Variants in ZNF716 observed in about 807,000 individuals in gnomAD.
ZNF716 encodes the protein zinc finger protein 716.
Under a neutral mutation model 13.4 loss-of-function variants are expected in ZNF716, and 9 were observed. The ratio of observed to expected loss-of-function variants is 0.67; its 90% CI spans 0.41 to 1.18. The LOEUF (loss-of-function observed/expected upper bound fraction) is 1.18. ZNF716 is among the 50% of genes most tolerant of loss of function. The pLI is 0.01. For missense variants in ZNF716, 581 were observed against 576.6 expected, an observed-to-expected ratio of 1.01 and a Z score of -0.08; for synonymous variants, 186 against 195.2, an observed-to-expected ratio of 0.95 and a Z score of 0.39.
chr7:57,455,643 A>G (rs1554322119), intron 1 of ZNF716, among the ~76,000 whole-genome samples: 3 of 151,982 alleles, frequency 2.0e-5, no homozygotes, highest in African/African-American at 7.2e-5. Flanking sequence ...CAGCCTCCCA[A>G]ATAGCTGGGA....
chr7:57,455,514 T>TTTTATTTATTTA (rs575680506), intron 1 of ZNF716, among the ~76,000 whole-genome samples: 2,408 of 151,896 alleles, frequency 0.016, 84 homozygotes, highest in African/African-American at 0.055. Flanking sequence ...GGATGGAGAA[T>TTTTATTTATTTA]TTTATTTATT....
intron 3 of ZNF716, among the ~76,000 whole-genome samples, chr7:57,468,215 A>G (rs1264651525): frequency 6.6e-6 from 1 of 152,152 alleles, no homozygotes; most frequent in African/African-American, 2.4e-5. Context: ...TTTTCTGTCC[A>G]TGGTACAGCA....
chr7:57,467,369 A>G (rs1425100485), intron 3 of ZNF716, among the ~76,000 whole-genome samples: 1 of 152,108 alleles, frequency 6.6e-6, no homozygotes, highest in Non-Finnish European at 1.5e-5. Flanking sequence ...TTTAAGTGGA[A>G]GGACCTCTTT....
chr7:57,463,697 G>T (rs1789749767), intron 3 of ZNF716, among the ~76,000 whole-genome samples: 1 of 151,720 alleles, frequency 6.6e-6, no homozygotes, highest in Non-Finnish European at 1.5e-5. Flanking sequence ...TTTATTTAGA[G>T]GCTGGGTTAT....
rs781804665 is a variant in ZNF716, at chr7:57,470,417, G to A, written c.*468G>A. 2 of 157,462 alleles carry A rather than the reference G, an allele frequency of 1.3e-5. No individual in the cohort carries two copies. Among genetic ancestry groups the A allele is most frequent in the African/African-American group, 2.4e-5 (1 of 41,418 alleles). 9.8% of individuals were successfully genotyped at this position (157,462 alleles called of 1,614,324 possible). A position where few individuals can be genotyped will look rare whatever the true frequency, so the allele number is the denominator to read the frequency against. ...GACTTCAGGTGAACCACCTGCCTCAGCCTCCCAAAGCCTAAGAGAATTTAT... is the reference window on the plus strand; with the variant it reads ...GACTTCAGGTGAACCACCTGCCTCAACCTCCCAAAGCCTAAGAGAATTTAT... On this transcript the variant is annotated 3_prime_UTR_variant, in exon 4 of 4. Coordinates refer to ENST00000420713, the MANE Select transcript of ZNF716 (RefSeq NM_001159279.1).
At chr7:57,466,795 G>A (rs10242418) in intron 3 of ZNF716, among the ~76,000 whole-genome samples, 58,211 of 151,434 alleles carry the variant, frequency 0.38, 11,342 homozygotes, top group East Asian at 0.51. Context: ...GAATTTTTTT[G>A]TTGAAAATGA....
At chr7:57,461,345 C>T (rs1789705773) in intron 1 of ZNF716, among the ~76,000 whole-genome samples, 1 of 152,136 alleles carries the variant, frequency 6.6e-6, no homozygotes, top group Non-Finnish European at 1.5e-5. Context: ...ATGTTGCGTC[C>T]TGTGTGCATC....
In ZNF716 at chr7:57,469,500, A is replaced by G. The variant is rs1554324818; in HGVS notation, c.1039A>G (p.Thr347Ala). The G allele has an allele frequency of 1.2e-6, 2 of 1,612,254 alleles. No individual in the cohort carries two copies. Among genetic ancestry groups the G allele is most frequent in the African/African-American group, 2.7e-5 (2 of 74,946 alleles). ...CCTTAAGAAACATAAGATAGTTCAT[A>G]CTGGGGAGAAACTCTACACATGTGA... ...STLKKHKIVHTGEKLYTCEEC... is the reference protein window; with the variant it reads ...STLKKHKIVHAGEKLYTCEEC... Residue 347 changes from threonine to alanine, a missense_variant, in exon 4 of 4, where the codon ACT becomes GCT. By Grantham distance (58) the Thr-to-Ala change is moderately conservative. Transcript: ENST00000420713.
At position 57,471,594 on chromosome 7, in the gene ZNF716, A is replaced by T. The variant is rs1789938649; in HGVS notation, c.*1645A>T. The T allele has an allele frequency of 6.6e-6, 1 of 152,192 alleles. No individual in the cohort carries two copies. Among genetic ancestry groups the T allele is most frequent in the Admixed American group, 6.5e-5 (1 of 15,282 alleles). The allele number at this position is 152,192 out of a possible 1,614,324, so 9.4% of individuals were successfully genotyped here. On this transcript the variant is annotated 3_prime_UTR_variant, in exon 4 of 4. Transcript: ENST00000420713. The stretch of plus-strand genomic sequence containing the variant: ...CATTTTATATCAAAGGAAAACCCTG[A>T]AACAGATGCTCAAACTTTGTTGAAC...
Position 57,469,430 on chromosome 7 carries a change from C to T in ZNF716, c.969C>T (p.Pro323=). The T allele has an allele frequency of 1.9e-6, 3 of 1,613,702 alleles. No homozygotes were observed. The highest frequency in any genetic ancestry group is 2.5e-6 in the Non-Finnish European group (3 of 1,179,890). ...AGAGAATTCATACTGGAGAGAGACC[C>T]TACAAATGTGAAGAATGTGGCAAAG... ...NHKRIHTGER[P]YKCEECGKAF... The change falls in exon 4 of 4, where the codon CCC becomes CCT. Residue 323 remains proline, a synonymous_variant. Transcript: ENST00000420713.
chr7:57,468,442 G>A (rs1789852080), intron 3 of ZNF716, among the ~76,000 whole-genome samples: 1 of 152,150 alleles, frequency 6.6e-6, no homozygotes, highest in African/African-American at 2.4e-5. Flanking sequence ...ATGAGGAAGG[G>A]CTGTGTTGGG....
intron 3 of ZNF716, among the ~76,000 whole-genome samples, chr7:57,468,066 G>A (rs1224508494): frequency 3.9e-5 from 6 of 152,014 alleles, no homozygotes; most frequent in African/African-American, 1.2e-4. Flanking sequence ...GCCTGAAACC[G>A]ATTGTCTTGG....
chr7:57,462,975 G>T, intron 2 of ZNF716, 98 bp from the exon 3 acceptor site: 2 of 1,472,576 alleles, frequency 1.4e-6, no homozygotes, highest in Non-Finnish European at 1.8e-6. Context: ...TAATTTTCTA[G>T]AATTTTCTAT....
At chr7:57,452,491 A>C (rs1554321711) in intron 1 of ZNF716, among the ~76,000 whole-genome samples, 2 of 149,524 alleles carry the variant, frequency 1.3e-5, no homozygotes, top group Non-Finnish European at 3.0e-5. Flanking sequence ...AAAAAAAAAT[A>C]ACCGGGCGTG....
intron 3 of ZNF716, among the ~76,000 whole-genome samples, chr7:57,464,465 G>C (rs1789770104): frequency 7.7e-6 from 1 of 130,690 alleles, no homozygotes; most frequent in Admixed American, 8.4e-5. Flanking sequence ...TTATTCTCTA[G>C]TTCTAGGAGT....
chr7:57,457,471 A>G (rs542256384), intron 1 of ZNF716, among the ~76,000 whole-genome samples: 1 of 152,222 alleles, frequency 6.6e-6, no homozygotes, highest in South Asian at 2.1e-4. Context: ...CAGCCTCTTG[A>G]GTAGCTGGGA....
chr7:57,468,844 G>A lies in ZNF716; in HGVS notation c.383G>A (p.Cys128Tyr). 1 of 1,613,542 alleles carries A rather than the reference G, an allele frequency of 6.2e-7. No homozygotes were observed. Among genetic ancestry groups the A allele is most frequent in the Non-Finnish European group, 8.5e-7 (1 of 1,179,782 alleles). The change falls in exon 4 of 4, where the codon TGC (cysteine) becomes TAC (tyrosine). Residue 128 changes from cysteine to tyrosine, a missense_variant. Transcript: ENST00000420713. ...CAGGAGGATTTACAAGTAAAAAAAT[G>A]CTGTAAAAGTGTAGGTGAGTGTGAG... is the stretch of plus-strand genomic sequence containing the variant. Reference protein sequence around the residue: ...CGQEDLQVKKCCKSVGECEVH... With the variant: ...CGQEDLQVKKYCKSVGECEVH...
At chr7:57,457,447 C>A (rs1295942847) in intron 1 of ZNF716, among the ~76,000 whole-genome samples, 1 of 152,114 alleles carries the variant, frequency 6.6e-6, no homozygotes, top group Non-Finnish European at 1.5e-5. Context: ...CAGGTTCAAG[C>A]GATTCTCCTG....
intron 1 of ZNF716, among the ~76,000 whole-genome samples, chr7:57,452,166 C>T (rs1029106353): frequency 6.6e-6 from 1 of 152,110 alleles, no homozygotes; most frequent in East Asian, 1.9e-4. Flanking sequence ...TTGTGACATT[C>T]CCAAATGTCA....
Sources: allele counts gnomAD v4.1 joint callset (sites outside exome capture counted in the v4.1 genomes callset), GRCh38; gene constraint gnomAD v4.1.1; transcripts MANE v1.5; gene names NCBI Gene and HGNC (gene_info 2026-07-23, HGNC 2026-07-21).